The following LYN variants were observed in gnomAD, a reference collection of about 807,000 sequenced individuals.
The protein encoded by LYN is tyrosine-protein kinase Lyn.
A neutral mutation model predicts 65.0 loss-of-function variants in LYN; 12 were observed. The observed-to-expected ratio is 0.18, with a 90% confidence interval of 0.12 to 0.30. The LOEUF (loss-of-function observed/expected upper bound fraction) is 0.30. Ranked by LOEUF, LYN falls within the 10% of genes least tolerant of loss-of-function variation. The pLI is 1.00. For synonymous variants in LYN, 222 were observed against 221.2 expected (o/e 1.00, Z -0.03); for missense variants, 380 against 623.2 (o/e 0.61, Z 4.16).
chr8:55,953,778 G>C (rs1441603573), intron 7 of LYN, 54 bp from the exon 8 acceptor site: 4 of 1,572,844 alleles, frequency 2.5e-6, no homozygotes, highest in Non-Finnish European at 3.5e-6. Context: ...TATAGACACA[G>C]GTAAAGTACA....
chr8:55,903,888 G>T (rs929730079), intron 1 of LYN, among the ~76,000 whole-genome samples: 4 of 152,092 alleles, frequency 2.6e-5, no homozygotes, highest in East Asian at 3.9e-4. Context: ...TGGTGGCATG[G>T]CCCTGTAGTC....
intron 10 of LYN, among the ~76,000 whole-genome samples, chr8:55,984,550 G>A (rs186818829): frequency 2.2e-3 from 332 of 152,300 alleles, no homozygotes; most frequent in African/African-American, 7.6e-3. Flanking sequence ...CAGCAAGTCT[G>A]GGGTTCTACC....
intron 1 of LYN, among the ~76,000 whole-genome samples, chr8:55,885,822 T>C (rs1239981426): frequency 6.6e-6 from 1 of 152,210 alleles, no homozygotes; most frequent in Non-Finnish European, 1.5e-5. Context: ...AAGGAAGTGA[T>C]ACTTCCTCCA....
At position 55,930,738 on chromosome 8, in the gene LYN, G is replaced by A. The variant is rs113010746; in HGVS notation, c.-5-11117G>A. The stretch of plus-strand genomic sequence containing the variant: ...AGGCTTCTTGCAGCATGTTGATGGG[G>A]GACCAAGACCTGGTCTTGCCTCTTC... On this transcript the variant is annotated intron_variant, in intron 1 of 12. Transcript: ENST00000519728. Among the ~76,000 whole-genome samples the A allele has an allele frequency of 4.4e-3, 671 of 152,214 alleles. 4 individuals are homozygous for A. Among genetic ancestry groups the A allele is most frequent in the African/African-American group, 0.015 (620 of 41,524 alleles).
intron 1 of LYN, among the ~76,000 whole-genome samples, chr8:55,932,640 C>T (rs577904687): frequency 1.3e-5 from 2 of 152,260 alleles, no homozygotes; most frequent in African/African-American, 2.4e-5. Context: ...AGGCTGGTCT[C>T]GAACTCCTAA....
rs559284145 is a variant in LYN at position 55,928,900 on chromosome 8, GT to G, written c.-5-12949del. On this transcript the variant is annotated intron_variant, in intron 1 of 12. Transcript: ENST00000519728. ...TATGTTATCTCCTAGGAGTTTTATAGTTTTTTGTTTTTCCTTTAGGTCTGTG... is the reference window on the plus strand; with the variant it reads ...TATGTTATCTCCTAGGAGTTTTATAGTTTTTGTTTTTCCTTTAGGTCTGTG... Among the ~76,000 whole-genome samples, 342 of 152,010 alleles carry G rather than the reference GT, an allele frequency of 2.2e-3. 1 individual carries two copies. The highest frequency in any genetic ancestry group is 7.8e-3 in the African/African-American group (325 of 41,498).
At chr8:55,968,896 A>T (rs761396898) in intron 9 of LYN, among the ~76,000 whole-genome samples, 30 of 152,210 alleles carry the variant, frequency 2.0e-4, no homozygotes, top group Non-Finnish European at 4.1e-4. Flanking sequence ...TGCTTTAGAG[A>T]TGAAGCCATA....
chr8:55,980,158 T>G (rs1807878581), intron 10 of LYN: 1 of 152,352 alleles, frequency 6.6e-6, no homozygotes. Flanking sequence ...TCATTTCTTC[T>G]TCCAAAATAG....
chr8:55,928,187 C>A (rs1412054192), intron 1 of LYN, among the ~76,000 whole-genome samples: 1 of 152,130 alleles, frequency 6.6e-6, no homozygotes. Flanking sequence ...GCTCTGTTGC[C>A]CAGGCTGGAA....
intron 1 of LYN, among the ~76,000 whole-genome samples, chr8:55,889,061 A>G (rs1315337561): frequency 6.6e-6 from 1 of 152,202 alleles, no homozygotes; most frequent in African/African-American, 2.4e-5. Flanking sequence ...TCTGTCGCCC[A>G]GGCTGAAGTG....
At chr8:55,892,516 C>T (rs894185332) in intron 1 of LYN, among the ~76,000 whole-genome samples, 2 of 152,170 alleles carry the variant, frequency 1.3e-5, no homozygotes, top group African/African-American at 4.8e-5. Flanking sequence ...GCCATGCACT[C>T]ATTAACTCCA....
intron 10 of LYN, among the ~76,000 whole-genome samples, chr8:55,970,235 CT>C (rs1473250759): frequency 6.6e-6 from 1 of 152,210 alleles, no homozygotes; most frequent in Non-Finnish European, 1.5e-5. Flanking sequence ...CACTTTCCTG[CT>C]CCTCTTCTCG....
At chr8:55,881,584 T>C (rs920377405) in intron 1 of LYN, among the ~76,000 whole-genome samples, 5 of 152,176 alleles carry the variant, frequency 3.3e-5, no homozygotes, top group Admixed American at 3.3e-4. Flanking sequence ...ACTGGGCCTC[T>C]TTGGATGTAA....
intron 1 of LYN, among the ~76,000 whole-genome samples, chr8:55,893,372 T>C (rs1376719641): frequency 6.6e-6 from 1 of 152,266 alleles, no homozygotes; most frequent in Non-Finnish European, 1.5e-5. Context: ...CATCCTGTTA[T>C]ATGACACAGT....
intron 1 of LYN, among the ~76,000 whole-genome samples, chr8:55,881,956 G>A (rs556661179): frequency 2.2e-4 from 34 of 152,188 alleles, no homozygotes; most frequent in Non-Finnish European, 3.4e-4. Context: ...CAAAACTGAG[G>A]ACATAGGGAG....
chr8:55,883,253 C>A (rs1464371799), intron 1 of LYN, among the ~76,000 whole-genome samples: 1 of 152,168 alleles, frequency 6.6e-6, no homozygotes, highest in African/African-American at 2.4e-5. Flanking sequence ...CATTAAGTTG[C>A]AGACCATCTG....
intron 12 of LYN, among the ~76,000 whole-genome samples, chr8:56,002,292 G>A (rs999447647): frequency 2.0e-5 from 3 of 152,046 alleles, no homozygotes; most frequent in Non-Finnish European, 4.4e-5. Context: ...GGTGGCAGGC[G>A]CCTGTAGTCC....
chr8:55,903,227 A>G (rs1805325480), intron 1 of LYN, among the ~76,000 whole-genome samples: 1 of 151,662 alleles, frequency 6.6e-6, no homozygotes, highest in Admixed American at 6.6e-5. Flanking sequence ...TCCTCACCTC[A>G]AGTGATTCGC....
At chr8:55,909,000 T>C (rs1585584929) in intron 1 of LYN, among the ~76,000 whole-genome samples, 1 of 24,346 alleles carries the variant, frequency 4.1e-5, no homozygotes, top group Non-Finnish European at 7.5e-5. Context: ...TATATATATA[T>C]ATATATATAT....
Sources: allele counts gnomAD v4.1 joint callset (sites outside exome capture counted in the v4.1 genomes callset), GRCh38; gene constraint gnomAD v4.1.1; transcripts MANE v1.5; gene names NCBI Gene and HGNC (gene_info 2026-07-23, HGNC 2026-07-21).